Variants in SRGAP1 observed in about 807,000 individuals in gnomAD.
The protein encoded by SRGAP1 is SLIT-ROBO Rho GTPase-activating protein 1.
A neutral mutation model predicts 121.9 loss-of-function variants in SRGAP1; 43 were observed. That is an observed-to-expected ratio of 0.35 (90% CI 0.28 to 0.46). SRGAP1 has a LOEUF of 0.46. SRGAP1 is among the 20% of genes least tolerant of loss of function. SRGAP1 has a pLI of 1.00. For missense variants in SRGAP1, 1,102 were observed against 1,350.9 expected (o/e 0.82, Z 2.89); for synonymous variants, 447 against 485.4 (o/e 0.92, Z 1.04).
intron 1 of SRGAP1, among the ~76,000 whole-genome samples, chr12:63,978,533 A>T (rs544309978): frequency 3.9e-5 from 6 of 152,318 alleles, no homozygotes; most frequent in Admixed American, 3.9e-4. Flanking sequence ...GTAAATAAGT[A>T]CTTCATTCCT....
chr12:64,127,735 C>T lies in SRGAP1; in HGVS notation c.2540+11C>T. 1 of 1,613,462 alleles carries T rather than the reference C, an allele frequency of 6.2e-7. No homozygotes were observed. The highest frequency in any genetic ancestry group is 1.1e-5 in the South Asian group (1 of 90,968). On this transcript the variant is annotated intron_variant, in intron 20 of 21. Coordinates refer to ENST00000355086, the MANE Select transcript of SRGAP1 (RefSeq NM_020762.4). ...CGGCTATTTAGCCAGGTAAGTAGAG[C>T]CTGGGAATCAGGCCCCTAAGCCTCC...
intron 1 of SRGAP1, among the ~76,000 whole-genome samples, chr12:63,906,260 A>G (rs2136311642): frequency 1.3e-5 from 2 of 151,886 alleles, no homozygotes; most frequent in South Asian, 4.2e-4. Context: ...TGGATTTTAC[A>G]TTTTACTATG....
intron 8 of SRGAP1, among the ~76,000 whole-genome samples, chr12:64,074,953 A>G (rs1308708826): frequency 6.6e-6 from 1 of 152,208 alleles, no homozygotes; most frequent in African/African-American, 2.4e-5. Context: ...AATTTTATGA[A>G]GGCTCTTCAT....
intron 15 of SRGAP1, 95 bp downstream of exon 15, chr12:64,097,470 C>A: frequency 8.5e-7 from 1 of 1,182,772 alleles, no homozygotes; most frequent in South Asian, 1.6e-5. Context: ...CACCCCCACC[C>A]CCATTACCCC....
At chr12:63,916,813 G>A (rs1328465292) in intron 1 of SRGAP1, among the ~76,000 whole-genome samples, 1 of 152,120 alleles carries the variant, frequency 6.6e-6, no homozygotes, top group Non-Finnish European at 1.5e-5. Flanking sequence ...AGTAGTTAGG[G>A]TGTGAAATGT....
intron 1 of SRGAP1, among the ~76,000 whole-genome samples, chr12:63,959,224 A>G (rs1399904667): frequency 6.6e-6 from 1 of 152,232 alleles, no homozygotes; most frequent in Non-Finnish European, 1.5e-5. Flanking sequence ...AGAGAAACAC[A>G]TATCTGAAAT....
chr12:63,926,384 A>G (rs990866461), intron 1 of SRGAP1, among the ~76,000 whole-genome samples: 3 of 152,096 alleles, frequency 2.0e-5, no homozygotes, highest in Admixed American at 2.0e-4. Context: ...TTCATAGGAG[A>G]GGAAAGTGAA....
chr12:63,917,392 C>T (rs1487054575), intron 1 of SRGAP1, among the ~76,000 whole-genome samples: 1 of 152,134 alleles, frequency 6.6e-6, no homozygotes, highest in Non-Finnish European at 1.5e-5. Flanking sequence ...GTATGGATGC[C>T]TGGGTCTTGG....
intron 9 of SRGAP1, among the ~76,000 whole-genome samples, chr12:64,079,805 G>A (rs1000821007): frequency 2.6e-5 from 4 of 152,136 alleles, no homozygotes; most frequent in Non-Finnish European, 2.9e-5. Flanking sequence ...CTGAGAGTGT[G>A]CATCTCTCCT....
chr12:64,093,421 GCAAA>G (rs943265260), intron 12 of SRGAP1, among the ~76,000 whole-genome samples: 1 of 152,024 alleles, frequency 6.6e-6, no homozygotes, highest in Non-Finnish European at 1.5e-5. Flanking sequence ...CTTTCTTAGT[GCAAA>G]CATTTTCCTT....
intron 1 of SRGAP1, among the ~76,000 whole-genome samples, chr12:63,895,691 G>A (rs1469497836): frequency 6.6e-6 from 1 of 152,174 alleles, no homozygotes; most frequent in African/African-American, 2.4e-5. Context: ...GGTAAAATGA[G>A]GTTACATCTC....
chr12:63,858,559 C>A (rs1899332624), intron 1 of SRGAP1, among the ~76,000 whole-genome samples: 1 of 152,102 alleles, frequency 6.6e-6, no homozygotes, highest in South Asian at 2.1e-4. Flanking sequence ...ATATTTCTTT[C>A]ATTGAGAGTT....
chr12:64,007,254 G>C (rs1387863773), intron 3 of SRGAP1, among the ~76,000 whole-genome samples: 1 of 152,148 alleles, frequency 6.6e-6, no homozygotes, highest in East Asian at 1.9e-4. Flanking sequence ...ACCAAGGACT[G>C]GTTTCATGGA....
At chr12:63,954,381 A>G (rs752938444) in intron 1 of SRGAP1, among the ~76,000 whole-genome samples, 3 of 152,142 alleles carry the variant, frequency 2.0e-5, no homozygotes, top group Non-Finnish European at 2.9e-5. Context: ...CATCTTTCTC[A>G]TTAAAAAGAA....
chr12:64,047,652 C>T (rs1179404045), intron 6 of SRGAP1, among the ~76,000 whole-genome samples: 1 of 152,098 alleles, frequency 6.6e-6, no homozygotes, highest in Non-Finnish European at 1.5e-5. Context: ...TTTCCTTTTA[C>T]CTTCCACTCA....
chr12:63,865,996 C>A (rs992737318), intron 1 of SRGAP1, among the ~76,000 whole-genome samples: 1 of 152,064 alleles, frequency 6.6e-6, no homozygotes, highest in African/African-American at 2.4e-5. Context: ...TGTCAACATC[C>A]GATGGAGAAA....
At chr12:64,101,998 C>G (rs1234975115) in intron 15 of SRGAP1, among the ~76,000 whole-genome samples, 2 of 152,136 alleles carry the variant, frequency 1.3e-5, no homozygotes, top group East Asian at 3.9e-4. Context: ...AACCAAAATT[C>G]CATAATTCCA....
chr12:64,095,918 T>C (rs1159811040), intron 14 of SRGAP1, among the ~76,000 whole-genome samples: 1 of 152,216 alleles, frequency 6.6e-6, no homozygotes, highest in Non-Finnish European at 1.5e-5. Context: ...TTAGCAAAGC[T>C]GCACACTTTC....
intron 6 of SRGAP1, among the ~76,000 whole-genome samples, chr12:64,059,804 A>G (rs1316511635): frequency 6.6e-6 from 1 of 152,146 alleles, no homozygotes; most frequent in East Asian, 1.9e-4. Context: ...ACCAAAATGA[A>G]TCATTCTCTA....
Sources: allele counts gnomAD v4.1 joint callset (sites outside exome capture counted in the v4.1 genomes callset), GRCh38; gene constraint gnomAD v4.1.1; transcripts MANE v1.5; gene names NCBI Gene and HGNC (gene_info 2026-07-23, HGNC 2026-07-21).